STK17B: variants seen among roughly 807,000 people sequenced by gnomAD.
STK17B encodes serine/threonine-protein kinase 17B.
In STK17B, 21 loss-of-function variants were observed where a neutral mutation model predicts 42.0. That is an observed-to-expected ratio of 0.50 (90% CI 0.35 to 0.72). STK17B has a LOEUF of 0.72. Among genes scored for constraint, STK17B ranks in the 30% least tolerant of loss-of-function variants. The probability of loss-of-function intolerance (pLI) is 0.00; values close to 1 mark genes in which losing one functional copy is unlikely to be tolerated. For synonymous variants in STK17B, 143 were observed against 148.4 expected, an observed-to-expected ratio of 0.96 and a Z score of 0.26; for missense variants, 349 against 446.0, an observed-to-expected ratio of 0.78 and a Z score of 1.96.
chr2:196,143,744 A>G, intron 4 of STK17B, 58 bp from the exon 5 acceptor site: 1 of 1,362,632 alleles, frequency 7.3e-7, no homozygotes, highest in Non-Finnish European at 9.7e-7. Flanking sequence ...TACTAGTCTC[A>G]GATGGAAAGT....
At chr2:196,175,661 AG>A (rs1196579020), upstream of STK17B, among the ~76,000 whole-genome samples, 3 of 152,230 alleles carry the variant, frequency 2.0e-5, no homozygotes, top group Non-Finnish European at 4.4e-5. Flanking sequence ...AACTAAATAC[AG>A]TATCAGTTTC....
At chr2:196,146,393 A>C (rs1262856522) in intron 3 of STK17B, among the ~76,000 whole-genome samples, 1 of 152,130 alleles carries the variant, frequency 6.6e-6, no homozygotes, top group Non-Finnish European at 1.5e-5. Flanking sequence ...AATCTCAGCT[A>C]CTTGGGAAGC....
chr2:196,140,397 G>C (rs1699476453), intron 6 of STK17B, among the ~76,000 whole-genome samples: 1 of 152,094 alleles, frequency 6.6e-6, no homozygotes, highest in Non-Finnish European at 1.5e-5. Context: ...TTGGTCTGAG[G>C]AGTCAGTCCC....
Position 196,137,111 on chromosome 2 carries a change from A to T in STK17B, c.*336T>A, listed in dbSNP as rs112102546. On this transcript the variant is annotated 3_prime_UTR_variant, in exon 8 of 8. Transcript: ENST00000263955. ...TCTTCACTGTGTTCAGTTTACACCA[A>T]CTATAATAAAACTCAAGCCACTTTT... is the stretch of plus-strand genomic sequence containing the variant. 1.0e-3 allele frequency: 254 copies of T among 246,780 alleles called. No individual in the cohort carries two copies. Among genetic ancestry groups the T allele is most frequent in the African/African-American group, 5.6e-3 (243 of 43,392 alleles). 15.3% of individuals were successfully genotyped at this position (246,780 alleles called of 1,614,324 possible).
chr2:196,148,349 A>G (rs984802394), intron 3 of STK17B, among the ~76,000 whole-genome samples: 6 of 152,164 alleles, frequency 3.9e-5, no homozygotes, highest in Admixed American at 2.6e-4. Flanking sequence ...TTCCGGCTAC[A>G]CTGTTTAGTT....
chr2:196,154,513 G>A (rs1699712904), intron 3 of STK17B: 2 of 152,190 alleles, frequency 1.3e-5, no homozygotes, highest in African/African-American at 4.8e-5. Flanking sequence ...CAGTAAATGT[G>A]GCAAAATGCC....
chr2:196,176,123 C>A (rs1699994531), upstream of STK17B: 1 of 152,336 alleles, frequency 6.6e-6, no homozygotes, highest in Admixed American at 6.5e-5. Flanking sequence ...TGTATCCCAA[C>A]TGCATTCTCA....
intron 3 of STK17B, among the ~76,000 whole-genome samples, chr2:196,150,183 A>ATT (rs1699645550): frequency 7.6e-6 from 1 of 131,198 alleles, no homozygotes; most frequent in South Asian, 2.3e-4. Flanking sequence ...AGTGACTAAA[A>ATT]AAAAAAAAAA....
chr2:196,153,256 A>AAAAAAAAAAAC (rs10524975), intron 3 of STK17B: 3 of 22,716 alleles, frequency 1.3e-4, no homozygotes, highest in Non-Finnish European at 2.3e-4. Flanking sequence ...AACAATGTCC[A>AAAAAAAAAAAC]AAAAAAAAAA....
chr2:196,143,564 A>G lies in STK17B; in HGVS notation c.603T>C (p.Tyr201=), dbSNP rs1699523412. The G allele has an allele frequency of 6.3e-7, 1 of 1,591,766 alleles. No homozygotes were observed. The highest frequency in any genetic ancestry group is 2.2e-5 in the East Asian group (1 of 44,550). ...ELREIMGTPE[Y]LAPEILNYDP... is the part of the protein sequence containing the mutation. ...AAAATAAAAGGAAATTCTTACCTAA[A>G]TATTCTGGTGTTCCCATGATTTCCC... is the stretch of plus-strand genomic sequence containing the variant. Residue 201 remains tyrosine, a synonymous_variant, in exon 5 of 8, where the codon TAT becomes TAC. Transcript: ENST00000263955.
chr2:196,140,372 G>T (rs1699476184), intron 6 of STK17B, among the ~76,000 whole-genome samples: 1 of 152,128 alleles, frequency 6.6e-6, no homozygotes, highest in African/African-American at 2.4e-5. Context: ...CACAGAACAG[G>T]TCTAAACCTT....
At chr2:196,164,401 G>C (rs1182046149) in intron 1 of STK17B, among the ~76,000 whole-genome samples, 1 of 152,148 alleles carries the variant, frequency 6.6e-6, no homozygotes, top group East Asian at 1.9e-4. Context: ...TGTATCTGAA[G>C]CTCATATATG....
intron 4 of STK17B, among the ~76,000 whole-genome samples, chr2:196,144,021 TA>T (rs35800259): frequency 0.64 from 97,369 of 151,620 alleles, 31,559 homozygotes; most frequent in East Asian, 0.91. Context: ...AGCTGAGACT[TA>T]AAAGAGTATG....
intron 2 of STK17B, among the ~76,000 whole-genome samples, chr2:196,163,035 T>C (rs1699832597): frequency 6.6e-6 from 1 of 152,160 alleles, no homozygotes; most frequent in Non-Finnish European, 1.5e-5. Flanking sequence ...AGACCTCCTA[T>C]CAGAGGCTCT....
intron 1 of STK17B, among the ~76,000 whole-genome samples, chr2:196,168,035 G>A (rs1272683427): frequency 6.6e-6 from 1 of 152,202 alleles, no homozygotes; most frequent in Non-Finnish European, 1.5e-5. Flanking sequence ...TATCAAGATG[G>A]AAATGATGAT....
intron 3 of STK17B, among the ~76,000 whole-genome samples, chr2:196,148,143 G>A (rs1216526651): frequency 1.3e-5 from 2 of 152,122 alleles, no homozygotes; most frequent in African/African-American, 4.8e-5. Context: ...GGTATAGAAA[G>A]ACAATTTTGG....
upstream of STK17B, among the ~76,000 whole-genome samples, chr2:196,176,018 T>C (rs2105725118): frequency 6.6e-6 from 1 of 152,334 alleles, no homozygotes; most frequent in African/African-American, 2.4e-5. Context: ...AAGATATTAT[T>C]TAAGCCTCTT....
intron 2 of STK17B, 78 bp downstream of exon 2, chr2:196,163,182 CAA>C (rs1287037593): frequency 1.3e-6 from 2 of 1,496,408 alleles, no homozygotes; most frequent in Non-Finnish European, 1.8e-6. Context: ...ATAATGATCC[CAA>C]GTGAGTTTTA....
At chr2:196,161,668 G>A (rs963335318) in intron 2 of STK17B, among the ~76,000 whole-genome samples, 1 of 151,544 alleles carries the variant, frequency 6.6e-6, no homozygotes, top group East Asian at 1.9e-4. Flanking sequence ...ACAGGCACAC[G>A]CCACCATGCC....
Sources: gnomAD v4.1 joint callset for allele counts (sites outside exome capture counted in the v4.1 genomes callset) on GRCh38, gnomAD v4.1.1 for gene constraint, MANE v1.5 for transcripts, NCBI Gene and HGNC (gene_info 2026-07-23, HGNC 2026-07-21) for gene names.